Variants in EYS observed in about 807,000 individuals in gnomAD.
EYS encodes protein eyes shut homolog.
In EYS, 250 loss-of-function variants were observed where a neutral mutation model predicts 282.1. The observed-to-expected ratio is 0.89, with a 90% CI of 0.80 to 0.98. EYS has a LOEUF of 0.98. EYS is among the 50% of genes least tolerant of loss of function. EYS has a pLI of 0.00. For synonymous variants in EYS, 1,355 were observed against 1,282.9 expected, an observed-to-expected ratio of 1.06 and a Z score of -1.20; for missense variants, 4,016 against 3,709.0, an observed-to-expected ratio of 1.08 and a Z score of -2.15.
At chr6:65,324,890 C>G (rs1212740480) in intron 11 of EYS, among the ~76,000 whole-genome samples, 1 of 152,176 alleles carries the variant, frequency 6.6e-6, no homozygotes, top group Admixed American at 6.5e-5. Context: ...TTTGAAAGAG[C>G]TAGATACTGT....
At chr6:65,109,352 T>C (rs1775139042) in intron 12 of EYS, among the ~76,000 whole-genome samples, 3 of 152,102 alleles carry the variant, frequency 2.0e-5, no homozygotes, top group Admixed American at 2.0e-4. Flanking sequence ...TTAGAGATTC[T>C]AAATTTCATC....
At chr6:64,562,205 T>G (rs1039615547) in intron 26 of EYS, among the ~76,000 whole-genome samples, 1 of 151,954 alleles carries the variant, frequency 6.6e-6, no homozygotes, top group African/African-American at 2.4e-5. Context: ...TCTTCTTCAC[T>G]TTTGACATTT....
chr6:65,576,196 G>A (rs893144237), intron 2 of EYS, among the ~76,000 whole-genome samples: 6 of 151,822 alleles, frequency 4.0e-5, no homozygotes, highest in Admixed American at 1.3e-4. Flanking sequence ...ACAGCAAAAA[G>A]ATTTCAACAG....
At chr6:65,258,699 T>A (rs1265364582) in intron 12 of EYS, among the ~76,000 whole-genome samples, 1 of 152,050 alleles carries the variant, frequency 6.6e-6, no homozygotes, top group African/African-American at 2.4e-5. Context: ...TGCGGTGGAA[T>A]ATAAATGAAT....
chr6:64,020,291 C>T (rs977305828), intron 33 of EYS, among the ~76,000 whole-genome samples: 65 of 152,110 alleles, frequency 4.3e-4, no homozygotes, highest in African/African-American at 1.5e-3. Context: ...TTGATTTTTA[C>T]ACATACAATG....
At chr6:64,899,406 G>A (rs1285768767) in intron 18 of EYS, among the ~76,000 whole-genome samples, 2 of 152,016 alleles carry the variant, frequency 1.3e-5, no homozygotes, top group South Asian at 4.1e-4. Context: ...ATTCAAATAG[G>A]AAGAGAGAAA....
At chr6:63,902,085 G>T (rs913316152) in intron 35 of EYS, among the ~76,000 whole-genome samples, 9 of 151,936 alleles carry the variant, frequency 5.9e-5, no homozygotes, top group Non-Finnish European at 1.3e-4. Flanking sequence ...GTAGAGATGG[G>T]GTTTCACCAG....
At chr6:63,879,807 G>A (rs1773079408) in intron 35 of EYS, among the ~76,000 whole-genome samples, 1 of 152,140 alleles carries the variant, frequency 6.6e-6, no homozygotes, top group South Asian at 2.1e-4. Flanking sequence ...ATTATAAAAT[G>A]AAGCATCTGG....
chr6:65,255,629 T>G (rs496502), intron 12 of EYS, among the ~76,000 whole-genome samples: 1,637 of 152,040 alleles, frequency 0.011, 26 homozygotes, highest in African/African-American at 0.037. Flanking sequence ...GGAATTAATA[T>G]CCAGAATATA....
chr6:63,941,170 G>A (rs992453048), intron 35 of EYS, among the ~76,000 whole-genome samples: 39 of 152,038 alleles, frequency 2.6e-4, no homozygotes, highest in African/African-American at 7.2e-4. Context: ...TTATAGCAGC[G>A]TGATTTATAA....
At chr6:64,616,147 T>C (rs1417846824) in intron 24 of EYS, among the ~76,000 whole-genome samples, 2 of 152,142 alleles carry the variant, frequency 1.3e-5, no homozygotes, top group Non-Finnish European at 2.9e-5. Flanking sequence ...TTTAGATTCC[T>C]ACGTATCTAA....
chr6:63,988,541 C>A (rs1161096681), intron 34 of EYS, among the ~76,000 whole-genome samples: 1 of 151,658 alleles, frequency 6.6e-6, no homozygotes, highest in Non-Finnish European at 1.5e-5. Flanking sequence ...ACACAGATTA[C>A]CATTAAAATG....
At chr6:64,198,010 T>A (rs1386641200) in intron 31 of EYS, among the ~76,000 whole-genome samples, 4 of 151,546 alleles carry the variant, frequency 2.6e-5, no homozygotes, top group Non-Finnish European at 5.9e-5. Flanking sequence ...TTTATTTTTT[T>A]GAGACGGAGT....
intron 19 of EYS, among the ~76,000 whole-genome samples, chr6:64,846,802 C>A (rs1765729868): frequency 6.6e-6 from 1 of 151,982 alleles, no homozygotes; most frequent in Non-Finnish European, 1.5e-5. Context: ...CTATATGCAA[C>A]TATTATGAAA....
chr6:65,144,867 C>T (rs147804822), intron 12 of EYS, among the ~76,000 whole-genome samples: 2,872 of 151,646 alleles, frequency 0.019, 73 homozygotes, highest in African/African-American at 0.065. Context: ...CAGGTTCAAG[C>T]GATTCTCCTG....
intron 29 of EYS, among the ~76,000 whole-genome samples, chr6:64,350,766 C>T (rs1771598776): frequency 6.6e-6 from 1 of 151,564 alleles, no homozygotes; most frequent in Non-Finnish European, 1.5e-5. Context: ...TATGATTTGG[C>T]TCTGTGTCCC....
chr6:64,513,061 A>G (rs1777457147), intron 26 of EYS, among the ~76,000 whole-genome samples: 1 of 151,936 alleles, frequency 6.6e-6, no homozygotes, highest in South Asian at 2.1e-4. Flanking sequence ...CAAACATAGT[A>G]CATTTTTTCT....
At chr6:64,118,991 G>T (rs143798000) in intron 31 of EYS, among the ~76,000 whole-genome samples, 2,931 of 152,140 alleles carry the variant, frequency 0.019, 78 homozygotes, top group African/African-American at 0.066. Flanking sequence ...AAATCACAAT[G>T]AGATATCATT....
chr6:64,341,204 C>T (rs892913288), intron 29 of EYS, among the ~76,000 whole-genome samples: 4 of 151,698 alleles, frequency 2.6e-5, no homozygotes, highest in Non-Finnish European at 4.4e-5. Context: ...CATTACTGGC[C>T]ATATATCCAA....
Sources: allele counts gnomAD v4.1 joint callset (sites outside exome capture counted in the v4.1 genomes callset), GRCh38; gene constraint gnomAD v4.1.1; transcripts MANE v1.5; gene names NCBI Gene and HGNC (gene_info 2026-07-23, HGNC 2026-07-21).